Variants in HMGA2 observed in about 807,000 individuals in gnomAD.
The protein encoded by HMGA2 is high mobility group AT-hook 2.
In HMGA2, 8 loss-of-function variants were observed where a neutral mutation model predicts 19.1. That is an observed-to-expected ratio of 0.42 (90% confidence interval 0.25 to 0.76). The LOEUF is 0.76. HMGA2 is among the 30% of genes least tolerant of loss of function. HMGA2 has a pLI of 0.28. For synonymous variants in HMGA2, 60 were observed against 48.8 expected (o/e 1.23, Z -0.96); for missense variants, 109 against 136.3 (o/e 0.80, Z 1.00).
At chr12:65,935,425 C>T (rs963148508) in intron 3 of HMGA2, among the ~76,000 whole-genome samples, 1 of 152,076 alleles carries the variant, frequency 6.6e-6, no homozygotes, top group African/African-American at 2.4e-5. Context: ...ATCTCTTTGA[C>T]AGAAATATCT....
chr12:65,886,065 C>A (rs1873643719), intron 3 of HMGA2, among the ~76,000 whole-genome samples: 1 of 152,096 alleles, frequency 6.6e-6, no homozygotes, highest in South Asian at 2.1e-4. Flanking sequence ...CCTTTACTTT[C>A]CTAATAAACT....
At chr12:65,838,404 A>C (rs1386284908) in intron 2 of HMGA2, 115 bp from the exon 3 acceptor site, 2 of 775,406 alleles carry the variant, frequency 2.6e-6, no homozygotes, top group African/African-American at 3.6e-5. Flanking sequence ...AAAAAAAAAA[A>C]AACCGATACG....
At chr12:65,891,947 T>C (rs1425270869) in intron 3 of HMGA2, among the ~76,000 whole-genome samples, 1 of 152,232 alleles carries the variant, frequency 6.6e-6, no homozygotes, top group East Asian at 1.9e-4. Context: ...TGGCAGCCTG[T>C]TTGCTGCATC....
At chr12:65,960,486 G>A (rs1876722634) in intron 4 of HMGA2, among the ~76,000 whole-genome samples, 1 of 152,168 alleles carries the variant, frequency 6.6e-6, no homozygotes, top group Non-Finnish European at 1.5e-5. Context: ...CAAAGACCAA[G>A]TCACTGGGAA....
intron 3 of HMGA2, chr12:65,881,688 G>A (rs1873400712): frequency 2.9e-6 from 2 of 699,392 alleles, no homozygotes; most frequent in Middle Eastern, 4.6e-4. Context: ...GAGAGGAGGA[G>A]AGAAATTGCT....
intron 3 of HMGA2, 40 bp from the exon 4 acceptor site, chr12:65,951,343 T>C (rs1163379835): frequency 1.5e-6 from 2 of 1,319,604 alleles, no homozygotes; most frequent in Admixed American, 2.3e-5. Flanking sequence ...CTATAATGTA[T>C]ATTTTCTTTT....
At chr12:65,916,818 G>A (rs1022518888) in intron 3 of HMGA2, among the ~76,000 whole-genome samples, 3 of 152,192 alleles carry the variant, frequency 2.0e-5, no homozygotes, top group Non-Finnish European at 4.4e-5. Flanking sequence ...GAAGGATGCA[G>A]GGAAAAGCGG....
chr12:65,848,285 TTCTC>T (rs935722979), intron 3 of HMGA2, among the ~76,000 whole-genome samples: 3 of 152,214 alleles, frequency 2.0e-5, no homozygotes, highest in African/African-American at 7.2e-5. Flanking sequence ...TAGTTTCTCT[TTCTC>T]TCTCTCTTTT....
intron 3 of HMGA2, among the ~76,000 whole-genome samples, chr12:65,890,887 C>CT (rs1023961460): frequency 1.3e-4 from 19 of 151,984 alleles, no homozygotes; most frequent in African/African-American, 3.9e-4. Flanking sequence ...CCGTGCCCGG[C>CT]TTTTTTTGCA....
At chr12:65,915,513 G>C in intron 3 of HMGA2, 1 of 1,183,078 alleles carries the variant, frequency 8.5e-7, no homozygotes, top group Non-Finnish European at 1.1e-6. Context: ...TCATAAAACA[G>C]ATGCTTAAAA....
intron 3 of HMGA2, among the ~76,000 whole-genome samples, chr12:65,889,948 C>G (rs1366209908): frequency 6.6e-6 from 1 of 152,178 alleles, no homozygotes; most frequent in Non-Finnish European, 1.5e-5. Context: ...CTGTCTTATT[C>G]CCTAAAGACA....
chr12:65,862,296 C>CACACACAT (rs1872141667), intron 3 of HMGA2, among the ~76,000 whole-genome samples: 3 of 151,640 alleles, frequency 2.0e-5, no homozygotes, highest in African/African-American at 7.3e-5. Context: ...CACACACACA[C>CACACACAT]ACACACACAC....
chr12:65,896,739 G>A (rs1298337515), intron 3 of HMGA2, among the ~76,000 whole-genome samples: 1 of 152,188 alleles, frequency 6.6e-6, no homozygotes, highest in Non-Finnish European at 1.5e-5. Context: ...CAGCCTGCGG[G>A]GAGGTCTGTG....
chr12:65,883,998 T>G (rs1348293223), intron 3 of HMGA2, among the ~76,000 whole-genome samples: 2 of 152,194 alleles, frequency 1.3e-5, no homozygotes, highest in Non-Finnish European at 2.9e-5. Context: ...CCCGGGTAAC[T>G]GGGATTACAG....
rs538364659 is a variant in HMGA2, at chr12:65,936,172, G to A, written c.250-15211G>A. Among the ~76,000 whole-genome samples, 9 of 150,832 alleles carry A rather than the reference G, an allele frequency of 6.0e-5. No individual in the cohort carries two copies. In the South Asian group the frequency reaches 1.5e-3, roughly 25 times the overall value. On this transcript the variant is annotated intron_variant, in intron 3 of 4. Coordinates refer to ENST00000403681, the MANE Select transcript of HMGA2 (RefSeq NM_003483.6). Reference sequence around the variant, plus strand: ...TGTTCCTTGTTAATATTATGAATGCGTGTGTTCTTTGCTCTCTCTGTAAAT... The same window carrying A: ...TGTTCCTTGTTAATATTATGAATGCATGTGTTCTTTGCTCTCTCTGTAAAT...
intron 3 of HMGA2, among the ~76,000 whole-genome samples, chr12:65,888,582 G>A (rs1448341195): frequency 1.8e-4 from 1 of 5,552 alleles, no homozygotes; most frequent in Non-Finnish European, 2.7e-4. Context: ...TTTTTTTTTT[G>A]AGACAGAGTC....
chr12:65,942,392 G>C (rs1420050710), intron 3 of HMGA2, among the ~76,000 whole-genome samples: 8 of 151,852 alleles, frequency 5.3e-5, no homozygotes. Flanking sequence ...AAATAATTTG[G>C]GCCTTAAAAA....
At chr12:65,850,769 G>C (rs1298197534) in intron 3 of HMGA2, among the ~76,000 whole-genome samples, 1 of 152,058 alleles carries the variant, frequency 6.6e-6, no homozygotes, top group Admixed American at 6.6e-5. Context: ...AAAATGTTTA[G>C]ATTAATTCAC....
rs1012187809 is a variant in HMGA2, at chr12:65,953,084, CT to C, written c.282+1679del. 340 of 149,656 alleles carry C rather than the reference CT, an allele frequency of 2.3e-3. 1 individual carries two copies. The highest frequency in any genetic ancestry group is 7.7e-3 in the African/African-American group (313 of 40,826). 9.3% of individuals were successfully genotyped at this position (149,656 alleles called of 1,614,324 possible). On this transcript the variant is annotated intron_variant, in intron 4 of 4. Coordinates refer to ENST00000403681, the MANE Select transcript of HMGA2 (RefSeq NM_003483.6). Reference sequence around the variant, plus strand: ...AAGTGACAAATACTACAAATCAGGACTTTTTTTTTTCCTGAGGAGCAAGTAG... The same window carrying C: ...AAGTGACAAATACTACAAATCAGGACTTTTTTTTTCCTGAGGAGCAAGTAG...
Sources: gnomAD v4.1 joint callset for allele counts (sites outside exome capture counted in the v4.1 genomes callset) on GRCh38, gnomAD v4.1.1 for gene constraint, MANE v1.5 for transcripts, NCBI Gene and HGNC (gene_info 2026-07-23, HGNC 2026-07-21) for gene names.